Variants in PPP1R13B observed in about 807,000 individuals in gnomAD.
PPP1R13B encodes apoptosis-stimulating of p53 protein 1.
In PPP1R13B, 44 loss-of-function variants were observed where a neutral mutation model predicts 119.8. That is an observed-to-expected ratio of 0.37 (90% CI 0.29 to 0.47). The LOEUF is 0.47. Among genes scored for constraint, PPP1R13B ranks in the 20% least tolerant of loss-of-function variants. PPP1R13B has a pLI of 0.99. For missense variants in PPP1R13B, 1,227 were observed against 1,413.5 expected (o/e 0.87, Z 2.12); for synonymous variants, 542 against 561.5 (o/e 0.97, Z 0.49).
At chr14:103,825,690 C>T (rs1370845372) in intron 1 of PPP1R13B, among the ~76,000 whole-genome samples, 1 of 152,164 alleles carries the variant, frequency 6.6e-6, no homozygotes, top group Admixed American at 6.6e-5. Flanking sequence ...GGTTCATGAG[C>T]TTCAAGGAAA....
chr14:103,811,094 CAAAAAAAAAAAAAAA>C (rs36017203), intron 1 of PPP1R13B, among the ~76,000 whole-genome samples: 1,204 of 65,958 alleles, frequency 0.018, 37 homozygotes, highest in African/African-American at 0.063. Context: ...GACTCCTCCT[CAAAAAAAAAAAAAAA>C]AAAAAAAAAA....
intron 1 of PPP1R13B, among the ~76,000 whole-genome samples, chr14:103,828,883 T>C (rs1369604619): frequency 6.6e-6 from 1 of 152,216 alleles, no homozygotes; most frequent in African/African-American, 2.4e-5. Flanking sequence ...TTTCCAGCCA[T>C]GCGTCTTCAT....
chr14:103,748,575 T>C (rs1166568370), intron 8 of PPP1R13B, among the ~76,000 whole-genome samples: 1 of 152,078 alleles, frequency 6.6e-6, no homozygotes, highest in Non-Finnish European at 1.5e-5. Flanking sequence ...GGTGCTCCAT[T>C]CTCCTACCAC....
At chr14:103,802,287 CAA>C (rs1312899171) in intron 1 of PPP1R13B, among the ~76,000 whole-genome samples, 1 of 151,922 alleles carries the variant, frequency 6.6e-6, no homozygotes, top group Non-Finnish European at 1.5e-5. Flanking sequence ...CAGGCCTGGG[CAA>C]AAGAGTGAGA....
At position 103,738,961 on chromosome 14, in the gene PPP1R13B, C is replaced by T. The variant is rs1358783200; in HGVS notation, c.2655G>A (p.Arg885=). The change falls in exon 13 of 17, where the codon CGG becomes CGA. Residue 885 remains arginine (R), a synonymous_variant. Transcript: ENST00000202556. The surrounding 1 kb of genome is among the most constrained non-coding windows in gnomAD (Gnocchi z 5.6). ...SERTGHGLRV[R]FNPLALLLDA... ...CTAGGAGCAGTGCCAGGGGGTTAAA[C>T]CGGACTCTCAGCCCGTGCCCCGTCC... is the stretch of plus-strand genomic sequence containing the variant. The T allele has an allele frequency of 1.2e-6, 2 of 1,614,106 alleles. No homozygotes were observed. Among genetic ancestry groups the T allele is most frequent in the Admixed American group, 3.3e-5 (2 of 60,018 alleles).
At chr14:103,751,289 C>T (rs574457690) in intron 7 of PPP1R13B, among the ~76,000 whole-genome samples, 3 of 152,216 alleles carry the variant, frequency 2.0e-5, no homozygotes, top group Admixed American at 6.5e-5. Context: ...TTTTAACAAT[C>T]GCTTAAAATG....
intron 4 of PPP1R13B, among the ~76,000 whole-genome samples, chr14:103,773,999 T>C (rs1005054472): frequency 3.3e-5 from 5 of 152,216 alleles, no homozygotes; most frequent in Non-Finnish European, 7.3e-5. Context: ...ATCACATTTA[T>C]GGTCAATTGA....
intron 1 of PPP1R13B, among the ~76,000 whole-genome samples, chr14:103,799,061 G>A (rs1008554004): frequency 1.3e-5 from 2 of 152,034 alleles, no homozygotes; most frequent in Admixed American, 6.6e-5. Flanking sequence ...ATGCAATGTC[G>A]CGATCTTGGT....
At chr14:103,768,335 C>T (rs930657497) in intron 4 of PPP1R13B, among the ~76,000 whole-genome samples, 3 of 151,854 alleles carry the variant, frequency 2.0e-5, no homozygotes, top group Admixed American at 1.3e-4. Flanking sequence ...CTTGCTCTGT[C>T]GCCAGGCTGG....
chr14:103,804,433 C>G (rs1215364877), intron 1 of PPP1R13B, among the ~76,000 whole-genome samples: 1 of 152,090 alleles, frequency 6.6e-6, no homozygotes, highest in African/African-American at 2.4e-5. Flanking sequence ...TATTAAAAAA[C>G]AGGAATTAGC....
At chr14:103,847,646 C>G, upstream of PPP1R13B, 1 of 981,682 alleles carries the variant, frequency 1.0e-6, no homozygotes, top group African/African-American at 1.7e-5. Flanking sequence ...CCGCACGGGT[C>G]CCGTAGCCCC....
At chr14:103,744,138 G>T (rs1385186494) in intron 9 of PPP1R13B, 2 of 152,196 alleles carry the variant, frequency 1.3e-5, no homozygotes, top group African/African-American at 2.4e-5. Context: ...GGCTGTCCAG[G>T]TGCTTCAGAA....
At chr14:103,818,603 A>G (rs2086332385) in intron 1 of PPP1R13B, 1 of 549,758 alleles carries the variant, frequency 1.8e-6, no homozygotes, top group Admixed American at 6.4e-5. Context: ...TCAGATGACA[A>G]TTCTTTCTCC....
chr14:103,844,343 T>G (rs142529160), intron 1 of PPP1R13B, among the ~76,000 whole-genome samples: 1 of 152,066 alleles, frequency 6.6e-6, no homozygotes, highest in East Asian at 1.9e-4. Context: ...CTACAGAGAT[T>G]TGATTGTGTC....
At position 103,737,799 on chromosome 14, in the gene PPP1R13B, T is replaced by G. The variant is rs752169254; in HGVS notation, c.2926A>C (p.Ser976Arg). The part of the protein sequence containing the change: ...SVHLCKQLVE[S>R]GAAIFASTIS... Reference sequence around the variant, plus strand: ...GTTGAGGCAAAAATGGCGGCACCACTCTCCACCAGCTGTTTGCAGAGGTGA... The same window carrying G: ...GTTGAGGCAAAAATGGCGGCACCACGCTCCACCAGCTGTTTGCAGAGGTGA... Residue 976 changes from serine (S) to arginine (R), a missense_variant, in exon 15 of 17, where the codon AGT becomes CGT. Ser to Arg is a moderately radical substitution (Grantham distance 110). Transcript: ENST00000202556. 6.2e-7 allele frequency: 1 copy of G among 1,614,196 alleles called. No individual in the cohort carries two copies. The highest frequency in any genetic ancestry group is 1.7e-5 in the Admixed American group (1 of 60,022).
rs2084286664 is a variant in PPP1R13B at position 103,742,590 on chromosome 14, C to G, written c.1320+64G>C. On this transcript the variant is annotated intron_variant, in intron 10 of 16. Transcript: ENST00000202556. This position sits in a 1 kb window ranked among gnomAD's most constrained non-coding sequence, Gnocchi z 4.9. ...ACAAGTCATACCCTTTAGCTTAGTA[C>G]TAAGGCAGAAGAGAGCCCTGTTGAA... is the stretch of plus-strand genomic sequence containing the variant. 1 of 1,565,398 alleles carries G rather than the reference C, an allele frequency of 6.4e-7. No homozygotes were observed.
In PPP1R13B at chr14:103,738,918, C is replaced by T; in HGVS notation, c.2698G>A (p.Glu900Lys). 1 of 1,614,102 alleles carries T rather than the reference C, an allele frequency of 6.2e-7. No homozygotes were observed. Residue 900 changes from glutamate (E) to lysine (K), a missense_variant, in exon 13 of 17, where the codon GAG (glutamate) becomes AAG (lysine). Physicochemically the swap from Glu to Lys is moderately conservative, Grantham distance 56. Coordinates refer to ENST00000202556, the MANE Select transcript of PPP1R13B (RefSeq NM_015316.3). The surrounding 1 kb of genome is among the most constrained non-coding windows in gnomAD (Gnocchi z 5.6). ...ALLLDASLEG[E>K]FDLVQRIIYE... ...ATGATCCTCTGCACCAGATCGAACT[C>T]TCCTTCCAGAGACGCGTCTAGGAGC...
At chr14:103,735,809 G>T (rs1298442289) in intron 16 of PPP1R13B, among the ~76,000 whole-genome samples, 194 bp downstream of exon 16, 3 of 152,162 alleles carry the variant, frequency 2.0e-5, no homozygotes, top group Non-Finnish European at 4.4e-5. Flanking sequence ...GCATAAGCAT[G>T]GCTGGGGGAA....
In PPP1R13B at chr14:103,739,172, G is replaced by C. The variant is rs936672178; in HGVS notation, c.2593-149C>G. The C allele has an allele frequency of 3.7e-6, 4 of 1,084,016 alleles. No homozygotes were observed. In the Admixed American group the frequency reaches 9.6e-5, roughly 26 times the overall value. The allele number at this position is 1,084,016 out of a possible 1,614,324, so 67.1% of individuals were successfully genotyped here. ...GAGTGGTAGCAGTAGCAGCGCCCAG[G>C]TGACCACCTCAAATAAGGGCCAGGG... On this transcript the variant is annotated intron_variant, in intron 12 of 16. Coordinates refer to ENST00000202556, the MANE Select transcript of PPP1R13B (RefSeq NM_015316.3).
Sources: gnomAD v4.1 joint callset for allele counts (sites outside exome capture counted in the v4.1 genomes callset) on GRCh38, gnomAD v4.1.1 for gene constraint, Gnocchi (gnomAD v3.1) non-coding constraint, MANE v1.5 for transcripts, NCBI Gene and HGNC (gene_info 2026-07-23, HGNC 2026-07-21) for gene names.